Variants in ELMO1 observed in about 807,000 individuals in gnomAD.
ELMO1 encodes the protein engulfment and cell motility 1, also known as engulfment and cell motility protein 1.
ELMO1 carries 26 observed loss-of-function variants against 98.9 expected under a neutral mutation model. The observed-to-expected ratio is 0.26, with a 90% confidence interval of 0.19 to 0.36. ELMO1 has a LOEUF of 0.36. Ranked by LOEUF, ELMO1 falls within the 10% of genes least tolerant of loss-of-function variation. The pLI is 1.00. For synonymous variants in ELMO1, 346 were observed against 346.0 expected (o/e 1.00, Z 0.00); for missense variants, 627 against 935.2 (o/e 0.67, Z 4.30).
chr7:37,272,744 T>G (rs1796639242), intron 4 of ELMO1, among the ~76,000 whole-genome samples: 1 of 151,246 alleles, frequency 6.6e-6, no homozygotes. Context: ...CTTGAAAACA[T>G]TACACTAAGT....
intron 15 of ELMO1, among the ~76,000 whole-genome samples, chr7:37,093,666 AG>A (rs2129252746): frequency 6.6e-6 from 1 of 152,370 alleles, no homozygotes; most frequent in Admixed American, 6.5e-5. Context: ...ATGGGCAAAA[AG>A]CAATCCATTA....
chr7:36,910,150 A>G (rs989405068), intron 16 of ELMO1, among the ~76,000 whole-genome samples: 1 of 152,228 alleles, frequency 6.6e-6, no homozygotes, highest in Non-Finnish European at 1.5e-5. Context: ...TAACTTTTGA[A>G]TCCTGGAATT....
intron 15 of ELMO1, among the ~76,000 whole-genome samples, chr7:37,054,727 A>G (rs1208870108): frequency 1.6e-5 from 2 of 126,928 alleles, no homozygotes; most frequent in East Asian, 3.9e-4. Flanking sequence ...TTGGGTTTCA[A>G]AAAAGCTGGC....
chr7:37,238,377 T>C (rs1199080305), intron 7 of ELMO1, among the ~76,000 whole-genome samples: 1 of 152,236 alleles, frequency 6.6e-6, no homozygotes, highest in Non-Finnish European at 1.5e-5. Flanking sequence ...GCTGTTAAAA[T>C]ATAAAAATTC....
intron 4 of ELMO1, among the ~76,000 whole-genome samples, chr7:37,277,455 T>C (rs1442102136): frequency 6.6e-6 from 1 of 152,176 alleles, no homozygotes; most frequent in Non-Finnish European, 1.5e-5. Context: ...AAAAGTCCTA[T>C]GTGGTCGCTT....
intron 11 of ELMO1, among the ~76,000 whole-genome samples, chr7:37,215,869 C>A (rs1407860319): frequency 1.3e-5 from 2 of 152,192 alleles, no homozygotes; most frequent in Non-Finnish European, 2.9e-5. Context: ...GTTGGCCTCA[C>A]CATACTTGAA....
chr7:37,384,669 G>A (rs1420316770), intron 1 of ELMO1, among the ~76,000 whole-genome samples: 3 of 151,476 alleles, frequency 2.0e-5, no homozygotes, highest in African/African-American at 4.9e-5. Context: ...GCAGTGAGCC[G>A]AGATAGAGCC....
chr7:37,239,691 G>A (rs1010139916), intron 7 of ELMO1, among the ~76,000 whole-genome samples: 2 of 150,038 alleles, frequency 1.3e-5, no homozygotes, highest in African/African-American at 4.9e-5. Flanking sequence ...GCCTGCGAAG[G>A]GAAGGGGAAG....
At chr7:37,145,045 G>C (rs559971567) in intron 13 of ELMO1, among the ~76,000 whole-genome samples, 1 of 152,318 alleles carries the variant, frequency 6.6e-6, no homozygotes, top group Non-Finnish European at 1.5e-5. Context: ...CCCTGGTGGA[G>C]AGTAGCAGTG....
intron 4 of ELMO1, among the ~76,000 whole-genome samples, chr7:37,283,396 GCA>G (rs1258237015): frequency 6.6e-6 from 1 of 152,230 alleles, no homozygotes; most frequent in Non-Finnish European, 1.5e-5. Flanking sequence ...ATAGGAGCCA[GCA>G]CATACCTACT....
chr7:37,362,081 G>A (rs1305493813), intron 1 of ELMO1, among the ~76,000 whole-genome samples: 1 of 152,112 alleles, frequency 6.6e-6, no homozygotes, highest in Admixed American at 6.5e-5. Flanking sequence ...GAGGTAGCAT[G>A]AAGAAAATAA....
rs377241268 is a variant in ELMO1 at position 37,131,750 on chromosome 7, A to G, written c.1191+1380T>C. ...TTTCTTATGTGGGACTGTATTTCTG[A>G]CCAAACACCTGATCCCAAACCTTTC... On this transcript the variant is annotated intron_variant, in intron 14 of 21. Coordinates refer to ENST00000310758, the MANE Select transcript of ELMO1 (RefSeq NM_014800.11). 2.0e-4 allele frequency among the ~76,000 whole-genome samples: 31 copies of G among 152,360 alleles called. 1 individual carries two copies. In the South Asian group the frequency reaches 5.8e-3, roughly 28 times the overall value.
chr7:37,127,995 C>A (rs1443660073), intron 14 of ELMO1, among the ~76,000 whole-genome samples: 1 of 152,138 alleles, frequency 6.6e-6, no homozygotes, highest in Non-Finnish European at 1.5e-5. Flanking sequence ...GAGTTCAAGA[C>A]CAGCCTGGCC....
chr7:37,403,851 T>G (rs1246637382), intron 1 of ELMO1, among the ~76,000 whole-genome samples: 2 of 152,182 alleles, frequency 1.3e-5, no homozygotes, highest in Non-Finnish European at 2.9e-5. Context: ...CAGCCCATTA[T>G]GCAATTGTCA....
At chr7:37,111,505 T>G (rs1429316435) in intron 14 of ELMO1, among the ~76,000 whole-genome samples, 1 of 150,670 alleles carries the variant, frequency 6.6e-6, no homozygotes, top group Non-Finnish European at 1.5e-5. Context: ...ACTAATCAGA[T>G]TTTCTTTTAA....
At chr7:37,086,330 CTGTGTGTGTGTG>C (rs58906590) in intron 15 of ELMO1, among the ~76,000 whole-genome samples, 16 of 143,080 alleles carry the variant, frequency 1.1e-4, no homozygotes, top group Admixed American at 2.1e-4. Flanking sequence ...CAATACATGA[CTGTGTGTGTGTG>C]TGTGTGTGTG....
chr7:37,216,811 T>G (rs1401349835), intron 10 of ELMO1, 116 bp from the exon 11 acceptor site: 1 of 1,022,490 alleles, frequency 9.8e-7, no homozygotes, highest in Non-Finnish European at 1.5e-6. Flanking sequence ...GCAGTATTTC[T>G]TATGAAATAA....
rs889197447 is a variant in ELMO1 at position 37,247,823 on chromosome 7, T to C, written c.414-3432A>G. Among the ~76,000 whole-genome samples, 3 of 152,254 alleles carry C rather than the reference T, an allele frequency of 2.0e-5. No homozygotes were observed. The East Asian group carries it at 5.8e-4, about 29-fold the overall frequency. Reference sequence around the variant, plus strand: ...ACAGGTGAAACTTAAATGGGGTCTCTGGGAAAAGAGCAAGAGGGGATTTTC... The same window carrying C: ...ACAGGTGAAACTTAAATGGGGTCTCCGGGAAAAGAGCAAGAGGGGATTTTC... On this transcript the variant is annotated intron_variant, in intron 6 of 21. Coordinates refer to ENST00000310758, the MANE Select transcript of ELMO1 (RefSeq NM_014800.11).
chr7:37,031,886 T>TC (rs1794903520), intron 15 of ELMO1, among the ~76,000 whole-genome samples: 1 of 152,102 alleles, frequency 6.6e-6, no homozygotes, highest in African/African-American at 2.4e-5. Context: ...TAAACATCCT[T>TC]CCCCACTGGC....
Sources: gnomAD v4.1 joint callset for allele counts (sites outside exome capture counted in the v4.1 genomes callset) on GRCh38, gnomAD v4.1.1 for gene constraint, MANE v1.5 for transcripts, NCBI Gene and HGNC (gene_info 2026-07-23, HGNC 2026-07-21) for gene names.